Variants in ABCB5 observed in about 807,000 individuals in gnomAD.
ABCB5 encodes the protein ATP binding cassette subfamily B member 5.
ABCB5 carries 155 observed loss-of-function variants against 144.2 expected under a neutral mutation model. The observed-to-expected ratio is 1.08, with a 90% CI of 0.94 to 1.23. The LOEUF is 1.23. Ranked by LOEUF, ABCB5 falls within the 50% of genes most tolerant of loss-of-function variation. The pLI is 0.00. For synonymous variants in ABCB5, 610 were observed against 528.6 expected (o/e 1.15, Z -2.11); for missense variants, 1,830 against 1,520.8 (o/e 1.20, Z -3.38).
intron 23 of ABCB5, among the ~76,000 whole-genome samples, chr7:20,729,209 C>T (rs560517341): frequency 5.9e-5 from 9 of 152,222 alleles, no homozygotes; most frequent in African/African-American, 2.2e-4. Flanking sequence ...TGATATAAGG[C>T]ATAAAATCTG....
chr7:20,698,025 T>C (rs1786483981), intron 16 of ABCB5, among the ~76,000 whole-genome samples: 1 of 152,224 alleles, frequency 6.6e-6, no homozygotes, highest in African/African-American at 2.4e-5. Context: ...TTTTCTTAGC[T>C]TCTGCCTAGA....
intron 16 of ABCB5, among the ~76,000 whole-genome samples, chr7:20,698,097 C>A (rs963087251): frequency 6.6e-6 from 1 of 152,114 alleles, no homozygotes; most frequent in Admixed American, 6.5e-5. Context: ...GAAAAATACA[C>A]CTGCCATTTC....
intron 14 of ABCB5, chr7:20,659,829 G>C: frequency 1.1e-6 from 1 of 922,802 alleles, no homozygotes; most frequent in Non-Finnish European, 1.3e-6. Context: ...GAGTACAGGC[G>C]TGCATCACCA....
intron 14 of ABCB5, among the ~76,000 whole-genome samples, chr7:20,672,765 T>C (rs923532466): frequency 1.3e-5 from 2 of 152,134 alleles, no homozygotes; most frequent in African/African-American, 4.8e-5. Context: ...GTTGGTCCTG[T>C]ACAATTTGTT....
At position 20,755,953 on chromosome 7, in the gene ABCB5, G is replaced by C. The variant is rs189467333; in HGVS notation, c.*329G>C. 2.0e-4 allele frequency: 58 copies of C among 288,782 alleles called. 1 individual carries two copies. The East Asian group carries it at 3.5e-3, about 17-fold the overall frequency. 17.9% of individuals were successfully genotyped at this position (288,782 alleles called of 1,614,324 possible). ...TAAAATCGGAAATATGTTTCCAGGGGGAATATTATCCAATTAACCATGTTG... is the reference window on the plus strand; with the variant it reads ...TAAAATCGGAAATATGTTTCCAGGGCGAATATTATCCAATTAACCATGTTG... On this transcript the variant is annotated 3_prime_UTR_variant, in exon 28 of 28. Transcript: ENST00000404938.
At chr7:20,629,072 C>A (rs528786714) in intron 4 of ABCB5, among the ~76,000 whole-genome samples, 7 of 151,100 alleles carry the variant, frequency 4.6e-5, no homozygotes, top group African/African-American at 1.5e-4. Flanking sequence ...AACAAAATCC[C>A]CTATTAGTCA....
chr7:20,626,590 A>G lies in ABCB5; in HGVS notation c.87A>G (p.Glu29=), dbSNP rs543570107. 3 of 1,607,918 alleles carry G rather than the reference A, an allele frequency of 1.9e-6. No homozygotes were observed. The highest frequency in any genetic ancestry group is 4.5e-5 in the East Asian group (2 of 44,740). Residue 29 remains glutamate (E), a synonymous_variant, in exon 3 of 28, where the codon GAA becomes GAG. Transcript: ENST00000404938. Reference sequence around the variant, plus strand: ...AAGAACAGCCAAAACTGAGAAAGGAAGCAGTTGGATCTATTGAGATAGTAA... The same window carrying G: ...AAGAACAGCCAAAACTGAGAAAGGAGGCAGTTGGATCTATTGAGATAGTAA... ...TAEEQPKLRK[E]AVGSIEIFRF... is the part of the protein sequence containing the mutation.
At chr7:20,748,522 C>T (rs1035554317) in intron 26 of ABCB5, among the ~76,000 whole-genome samples, 12 of 151,768 alleles carry the variant, frequency 7.9e-5, no homozygotes, top group Admixed American at 2.6e-4. Flanking sequence ...TGGTGGCACA[C>T]GCCTGTATTC....
At chr7:20,666,749 T>C (rs1436726312) in intron 14 of ABCB5, 1 of 1,598,716 alleles carries the variant, frequency 6.3e-7, no homozygotes, top group Non-Finnish European at 8.5e-7. Flanking sequence ...TTCAATATTG[T>C]ATTTTCTAGA....
At chr7:20,712,602 A>G (rs1314571228) in intron 20 of ABCB5, among the ~76,000 whole-genome samples, 1 of 149,590 alleles carries the variant, frequency 6.7e-6, no homozygotes, top group Non-Finnish European at 1.5e-5. Flanking sequence ...CCATGTCTTC[A>G]AAACCAATGA....
intron 7 of ABCB5, among the ~76,000 whole-genome samples, chr7:20,644,556 G>C (rs1383450548): frequency 6.6e-6 from 1 of 152,098 alleles, no homozygotes; most frequent in Admixed American, 6.6e-5. Flanking sequence ...CTTATCTACA[G>C]CCTGGTTTTG....
chr7:20,753,991 C>G (rs1337510059), intron 27 of ABCB5, among the ~76,000 whole-genome samples: 1 of 152,186 alleles, frequency 6.6e-6, no homozygotes, highest in African/African-American at 2.4e-5. Context: ...AATACTTGCA[C>G]AGCAAGCTTC....
intron 4 of ABCB5, among the ~76,000 whole-genome samples, chr7:20,630,873 C>T (rs1003701947): frequency 4.6e-5 from 7 of 152,218 alleles, no homozygotes; most frequent in Middle Eastern, 3.4e-3. Context: ...TTCAAGGCTT[C>T]GCCAGTTTCC....
chr7:20,729,024 G>T (rs1782128632), intron 23 of ABCB5, among the ~76,000 whole-genome samples: 1 of 152,170 alleles, frequency 6.6e-6, no homozygotes. Context: ...TCAAATCAGG[G>T]TAATTGGGAT....
chr7:20,670,522 T>A (rs1785431437), intron 14 of ABCB5, among the ~76,000 whole-genome samples: 1 of 152,212 alleles, frequency 6.6e-6, no homozygotes, highest in Admixed American at 6.5e-5. Context: ...AGACTCACAT[T>A]TTTAACCAAT....
At chr7:20,753,751 A>G (rs1360126679) in intron 27 of ABCB5, among the ~76,000 whole-genome samples, 2 of 152,226 alleles carry the variant, frequency 1.3e-5, no homozygotes, top group Non-Finnish European at 2.9e-5. Context: ...TTGTCTCATT[A>G]TCAAAAGTGG....
At chr7:20,677,707 T>A (rs1785661553) in intron 14 of ABCB5, among the ~76,000 whole-genome samples, 1 of 152,170 alleles carries the variant, frequency 6.6e-6, no homozygotes, top group Non-Finnish European at 1.5e-5. Context: ...CCAGCCTGTG[T>A]GACAGAGCGA....
intron 14 of ABCB5, chr7:20,666,685 G>A: frequency 6.5e-7 from 1 of 1,528,192 alleles, no homozygotes; most frequent in Non-Finnish European, 8.8e-7. Flanking sequence ...CTAATTGTTT[G>A]GCTTTTAGCT....
chr7:20,669,721 A>C (rs1310145600), intron 14 of ABCB5, among the ~76,000 whole-genome samples: 1 of 95,630 alleles, frequency 1.0e-5, no homozygotes, highest in African/African-American at 4.9e-5. Flanking sequence ...AAGAATGATC[A>C]ATAAAAAAAA....
Sources: gnomAD v4.1 joint callset for allele counts (sites outside exome capture counted in the v4.1 genomes callset) on GRCh38, gnomAD v4.1.1 for gene constraint, MANE v1.5 for transcripts, NCBI Gene and HGNC (gene_info 2026-07-23, HGNC 2026-07-21) for gene names.